CHLSN: variants seen among roughly 807,000 people sequenced by gnomAD.
CHLSN encodes cholesin, also known as protein cholesin.
chr7:1,021,302 T>C, the CHLSN span: 182 of 869,742 alleles, frequency 2.1e-4, no homozygotes, highest in Non-Finnish European at 2.4e-4. Flanking sequence ...CTGGCACCCA[T>C]GGGGCAGGTT....
At chr7:1,004,658 G>A in the CHLSN span, among the ~76,000 whole-genome samples, 2 of 152,166 alleles carry the variant, frequency 1.3e-5, no homozygotes, top group African/African-American at 4.8e-5. Context: ...AGTGTCGCCT[G>A]TGGCTCCCAC....
chr7:1,137,296 T>A, the CHLSN span: 1 of 152,660 alleles, frequency 6.6e-6, no homozygotes, highest in Non-Finnish European at 1.5e-5. Context: ...CCTGTTCTCA[T>A]CTTCTCCATG....
At chr7:988,077 CCTCT>C in the CHLSN span, among the ~76,000 whole-genome samples, 2 of 151,942 alleles carry the variant, frequency 1.3e-5, no homozygotes, top group South Asian at 2.1e-4. Flanking sequence ...TCCTGGGTGT[CCTCT>C]CTATCCTTGG....
chr7:1,092,576 TCCTGCAGCGGACGCAGCCTGGGGC>T, the CHLSN span: 1 of 1,610,816 alleles, frequency 6.2e-7, no homozygotes. Context: ...AGCGTGCACC[TCCTGCAGCGGACGCAGCCTGGGGC>T]CGCTCCCTGC....
the CHLSN span, among the ~76,000 whole-genome samples, chr7:1,073,379 G>A: frequency 1.3e-5 from 2 of 152,042 alleles, no homozygotes; most frequent in African/African-American, 2.4e-5. Flanking sequence ...TACTCCCCGC[G>A]CAGGCAGCTC....
the CHLSN span, among the ~76,000 whole-genome samples, chr7:1,052,161 C>T: frequency 2.6e-5 from 4 of 152,370 alleles, no homozygotes; most frequent in Non-Finnish European, 4.4e-5. This position sits in a 1 kb window ranked among gnomAD's most constrained non-coding sequence, Gnocchi z 4.2. Flanking sequence ...CCTCCTGGCC[C>T]GAGATGCTGT....
the CHLSN span, chr7:1,092,601 C>T: frequency 1.9e-5 from 31 of 1,611,562 alleles, no homozygotes; most frequent in African/African-American, 2.7e-4. Flanking sequence ...AGCCTGGGGC[C>T]GCTCCCTGCA....
chr7:1,036,436 AGGGTTCGGGTGCTCG>A, the CHLSN span, among the ~76,000 whole-genome samples: 88 of 117,820 alleles, frequency 7.5e-4, no homozygotes, highest in Admixed American at 1.4e-3. Flanking sequence ...GTGGCCGTGT[AGGGTTCGGGTGCTCG>A]TGGTGTGGCC....
the CHLSN span, among the ~76,000 whole-genome samples, chr7:1,055,122 T>C: frequency 6.6e-6 from 1 of 152,024 alleles, no homozygotes; most frequent in Non-Finnish European, 1.5e-5. Context: ...AGCCAGGCTA[T>C]CAGAAAGGTG....
chr7:1,043,194 C>A, the CHLSN span, among the ~76,000 whole-genome samples: 28 of 152,126 alleles, frequency 1.8e-4, no homozygotes, highest in Non-Finnish European at 2.9e-5. Context: ...TCATTGCACT[C>A]CAGCCTGGGC....
At chr7:1,068,877 C>T in the CHLSN span, among the ~76,000 whole-genome samples, 1 of 152,134 alleles carries the variant, frequency 6.6e-6, no homozygotes, top group Non-Finnish European at 1.5e-5. Flanking sequence ...AGCCCCTGCC[C>T]GACAACCAAT....
the CHLSN span, among the ~76,000 whole-genome samples, chr7:1,118,002 C>T: frequency 2.6e-5 from 4 of 152,190 alleles, no homozygotes; most frequent in South Asian, 2.1e-4. Context: ...GTTCCTGCTA[C>T]GGGAATGCTG....
chr7:1,043,358 G>A, the CHLSN span: 1 of 152,232 alleles, frequency 6.6e-6, no homozygotes, highest in African/African-American at 2.4e-5. Context: ...TGGGCAGAGG[G>A]CCTTCTTTTT....
At chr7:1,070,788 C>A in the CHLSN span, among the ~76,000 whole-genome samples, 1 of 144,378 alleles carries the variant, frequency 6.9e-6, no homozygotes, top group East Asian at 2.0e-4. Context: ...CGCACACGGA[C>A]ACGCACGTGC....
At chr7:1,064,575 C>G in the CHLSN span, among the ~76,000 whole-genome samples, 1 of 152,332 alleles carries the variant, frequency 6.6e-6, no homozygotes, top group South Asian at 2.1e-4. Flanking sequence ...TGACCTCACA[C>G]AGGAGAACCG....
At chr7:1,039,057 T>TG in the CHLSN span, among the ~76,000 whole-genome samples, 3 of 40,246 alleles carry the variant, frequency 7.5e-5, no homozygotes, top group South Asian at 9.6e-4. Context: ...GGGAGGGAGG[T>TG]GGGGGGGGTC....
the CHLSN span, chr7:997,526 C>T: frequency 5.5e-6 from 6 of 1,099,586 alleles, 1 homozygote; most frequent in Non-Finnish European, 7.3e-6. Context: ...CAGCCGCTGC[C>T]CTGCTGGTGA....
the CHLSN span, chr7:987,379 G>A: frequency 6.3e-7 from 1 of 1,593,748 alleles, no homozygotes; most frequent in Non-Finnish European, 8.5e-7. Context: ...CCGCGTGCTG[G>A]GCCCTGGGCG....
chr7:1,063,732 G>A, the CHLSN span, among the ~76,000 whole-genome samples: 3 of 152,354 alleles, frequency 2.0e-5, no homozygotes, highest in African/African-American at 7.2e-5. Context: ...TCTTAATGAC[G>A]TCTTGGCCTC....
Sources: allele counts gnomAD v4.1 joint callset (sites outside exome capture counted in the v4.1 genomes callset), GRCh38; gene constraint gnomAD v4.1.1; non-coding constraint Gnocchi (gnomAD v3.1); transcripts MANE v1.5; gene names NCBI Gene and HGNC (gene_info 2026-07-23, HGNC 2026-07-21).